The following JPT1 variants were observed in gnomAD, a reference collection of about 807,000 sequenced individuals.
JPT1 encodes androgen-regulated protein 2.
A neutral mutation model predicts 17.0 loss-of-function variants in JPT1; 5 were observed. The observed-to-expected ratio is 0.29, with a 90% CI of 0.15 to 0.62. The LOEUF (loss-of-function observed/expected upper bound fraction) is 0.62, where lower values mean the gene tolerates loss of function less well. Ranked by LOEUF, JPT1 falls within the 20% of genes least tolerant of loss-of-function variation. JPT1 has a pLI of 0.85. For missense variants in JPT1, 158 were observed against 188.1 expected, an observed-to-expected ratio of 0.84 and a Z score of 0.94; for synonymous variants, 71 against 73.6, an observed-to-expected ratio of 0.96 and a Z score of 0.18.
At chr17:75,152,687 C>T (rs1343099785) in intron 1 of JPT1, among the ~76,000 whole-genome samples, 3 of 152,272 alleles carry the variant, frequency 2.0e-5, no homozygotes, top group African/African-American at 2.4e-5. Flanking sequence ...AAGAATAAAA[C>T]CCCAGATTAC....
intron 4 of JPT1, chr17:75,138,377 T>G (rs2067542175): frequency 6.6e-6 from 1 of 152,102 alleles, no homozygotes; most frequent in African/African-American, 2.4e-5. Context: ...GAAAAGGCAG[T>G]AAGGGCAGTT....
intron 4 of JPT1, among the ~76,000 whole-genome samples, chr17:75,140,547 T>C (rs2074288419): frequency 6.6e-6 from 1 of 152,204 alleles, no homozygotes; most frequent in Admixed American, 6.5e-5. Flanking sequence ...CCAAAGTCAT[T>C]CCTGTAGCCA....
chr17:75,138,455 C>A (rs955446366), intron 4 of JPT1: 1 of 149,612 alleles, frequency 6.7e-6, no homozygotes, highest in Non-Finnish European at 1.5e-5. Context: ...ATCGCCCAGA[C>A]TGGAGTAAAG....
intron 1 of JPT1, chr17:75,153,991 C>T: frequency 6.0e-6 from 1 of 167,626 alleles, no homozygotes; most frequent in Non-Finnish European, 1.3e-5. Context: ...CCAAGCCCAC[C>T]ACCCTGGGGA....
At chr17:75,140,032 C>G (rs1568029356) in intron 4 of JPT1, among the ~76,000 whole-genome samples, 1 of 152,140 alleles carries the variant, frequency 6.6e-6, no homozygotes, top group East Asian at 1.9e-4. Flanking sequence ...ATTCTCCTGC[C>G]TCAGCCTCCC....
chr17:75,143,868 AGAAAAAAAAGAAAAACC>A (rs2074373782), intron 4 of JPT1, among the ~76,000 whole-genome samples: 1 of 151,934 alleles, frequency 6.6e-6, no homozygotes, highest in Non-Finnish European at 1.5e-5. Flanking sequence ...CTCCATCTCG[AGAAAAAAAAGAAAAACC>A]CAAAAGGGGC....
In JPT1 at chr17:75,154,449, G is replaced by T; in HGVS notation, c.-52C>A. 1 of 1,500,894 alleles carries T rather than the reference G, an allele frequency of 6.7e-7. No individual in the cohort carries two copies. The allele number at this position is 1,500,894 out of a possible 1,614,324, so 93.0% of individuals were successfully genotyped here. A position where few individuals can be genotyped will look rare whatever the true frequency, so the allele number is the denominator to read the frequency against. On this transcript the variant is annotated 5_prime_UTR_variant, in exon 1 of 5. Coordinates refer to ENST00000409753, the MANE Select transcript of JPT1 (RefSeq NM_016185.4). ...GCCGGAGCAGAACGCTCAAAGGGTCGGACCCGAGGGGCGCTGGGAAACTCC... is the reference window on the plus strand; with the variant it reads ...GCCGGAGCAGAACGCTCAAAGGGTCTGACCCGAGGGGCGCTGGGAAACTCC...
intron 2 of JPT1, 24 bp downstream of exon 2, chr17:75,148,505 A>G: frequency 6.2e-7 from 1 of 1,613,606 alleles, no homozygotes; most frequent in South Asian, 1.1e-5. Context: ...CCCTTTGAAC[A>G]GTGAGCACAG....
intron 4 of JPT1, 44 bp from the exon 5 acceptor site, chr17:75,136,294 T>C (rs1205120505): frequency 6.7e-7 from 1 of 1,502,572 alleles, no homozygotes; most frequent in Non-Finnish European, 8.9e-7. Context: ...ATGACAGCCA[T>C]TTCCTGTTAA....
chr17:75,136,377 A>G (rs2074198323), intron 4 of JPT1, 127 bp from the exon 5 acceptor site: 20 of 832,956 alleles, frequency 2.4e-5, no homozygotes, highest in Non-Finnish European at 3.6e-5. Flanking sequence ...AGCATAAACA[A>G]AATAATCACC....
chr17:75,149,665 C>T (rs2074507864), intron 1 of JPT1, among the ~76,000 whole-genome samples: 1 of 152,060 alleles, frequency 6.6e-6, no homozygotes, highest in South Asian at 2.1e-4. Context: ...CCACGCCCAG[C>T]CAAAAAAAGT....
intron 4 of JPT1, among the ~76,000 whole-genome samples, chr17:75,137,541 T>A (rs1336240884): frequency 5.3e-5 from 8 of 151,494 alleles, no homozygotes; most frequent in African/African-American, 1.9e-4. Flanking sequence ...TTTTTTTTTT[T>A]TTTATTTTTA....
At chr17:75,154,219 C>T in intron 1 of JPT1, 123 bp downstream of exon 1, 1 of 658,520 alleles carries the variant, frequency 1.5e-6, no homozygotes, top group Non-Finnish European at 2.1e-6. Context: ...CCCCGCCACC[C>T]GCCCCGGCGC....
In JPT1 at chr17:75,154,492, A is replaced by G. The variant is rs1053166931; in HGVS notation, c.-95T>C. ...GAAACTCCACACCCAACAGCCGACC[A>G]CCGCTGCAGGAGCCGCCGCTGCCGC... is the stretch of plus-strand genomic sequence containing the variant. On this transcript the variant is annotated 5_prime_UTR_variant, in exon 1 of 5. Transcript: ENST00000409753. The G allele has an allele frequency of 8.4e-7, 1 of 1,195,486 alleles. No homozygotes were observed. The highest frequency in any genetic ancestry group is 1.4e-5 in the South Asian group (1 of 72,302). 74.1% of individuals were successfully genotyped at this position (1,195,486 alleles called of 1,614,324 possible).
intron 4 of JPT1, chr17:75,138,465 G>A (rs1173357358): frequency 6.7e-6 from 1 of 148,754 alleles, no homozygotes; most frequent in South Asian, 2.1e-4. Flanking sequence ...CTGGAGTAAA[G>A]TAGCGTGATC....
rs779763300 is a variant in JPT1 at position 75,136,011 on chromosome 17, C to G, written c.*91G>C. 2.5e-6 allele frequency: 4 copies of G among 1,604,734 alleles called. No homozygotes were observed. The highest frequency in any genetic ancestry group is 3.4e-6 in the Non-Finnish European group (4 of 1,175,702). Reference sequence around the variant, plus strand: ...CATAAAGTGCTTCTTTTTAATGAAACAAATCCAAGAGATGTACAGTCAGGC... The same window carrying G: ...CATAAAGTGCTTCTTTTTAATGAAAGAAATCCAAGAGATGTACAGTCAGGC... On this transcript the variant is annotated 3_prime_UTR_variant, in exon 5 of 5. Coordinates refer to ENST00000409753, the MANE Select transcript of JPT1 (RefSeq NM_016185.4).
intron 4 of JPT1, 67 bp from the exon 5 acceptor site, chr17:75,136,317 G>T: frequency 1.4e-6 from 2 of 1,437,160 alleles, no homozygotes; most frequent in Admixed American, 2.4e-5. Context: ...TCAAGGATCT[G>T]TTTCTCTTTT....
At chr17:75,150,003 GTAAC>G (rs749324834) in intron 1 of JPT1, among the ~76,000 whole-genome samples, 1 of 152,080 alleles carries the variant, frequency 6.6e-6, no homozygotes, top group African/African-American at 2.4e-5. Context: ...ATAAACATAA[GTAAC>G]TACCCATGAG....
chr17:75,149,999 A>G (rs531987073), intron 1 of JPT1, among the ~76,000 whole-genome samples: 2 of 152,350 alleles, frequency 1.3e-5, no homozygotes, highest in East Asian at 3.9e-4. Context: ...CACAATAAAC[A>G]TAAGTAACTA....
Sources: gnomAD v4.1 joint callset for allele counts (sites outside exome capture counted in the v4.1 genomes callset) on GRCh38, gnomAD v4.1.1 for gene constraint, MANE v1.5 for transcripts, NCBI Gene and HGNC (gene_info 2026-07-23, HGNC 2026-07-21) for gene names.